Variants in ME2 observed in about 807,000 individuals in gnomAD.
ME2 encodes malic enzyme 2, also known as NAD-dependent malic enzyme, mitochondrial.
A neutral mutation model predicts 73.7 loss-of-function variants in ME2; 60 were observed. The observed-to-expected ratio is 0.81, with a 90% CI of 0.66 to 1.01. The LOEUF (loss-of-function observed/expected upper bound fraction) is 1.01. ME2 is among the 50% of genes least tolerant of loss of function. The pLI, the probability that ME2 is intolerant of heterozygous loss-of-function variation, is 0.00. For synonymous variants in ME2, 199 were observed against 236.9 expected (o/e 0.84, Z 1.47); for missense variants, 594 against 705.5 (o/e 0.84, Z 1.79).
At chr18:50,882,941 G>A (rs1356867307) in intron 1 of ME2, among the ~76,000 whole-genome samples, 1 of 151,896 alleles carries the variant, frequency 6.6e-6, no homozygotes, top group Non-Finnish European at 1.5e-5. Context: ...AGTGATTTTT[G>A]AGACTCTATC....
At chr18:50,910,791 T>G (rs750704207) in intron 3 of ME2, among the ~76,000 whole-genome samples, 1 of 152,134 alleles carries the variant, frequency 6.6e-6, no homozygotes, top group African/African-American at 2.4e-5. Context: ...CAGTGATAAA[T>G]CATGTGGGGA....
chr18:50,887,120 C>T (rs1256487869), intron 1 of ME2, among the ~76,000 whole-genome samples: 6 of 152,182 alleles, frequency 3.9e-5, no homozygotes, highest in Non-Finnish European at 8.8e-5. Flanking sequence ...CATTCCGGCC[C>T]TGACGTAGGT....
Position 50,953,837 on chromosome 18 carries a change from T to C in ME2, c.*6653T>C, listed in dbSNP as rs2144290740. 6.6e-6 allele frequency: 1 copy of C among 152,338 alleles called. No individual in the cohort carries two copies. Among genetic ancestry groups the C allele is most frequent in the South Asian group, 2.1e-4 (1 of 4,822 alleles). 9.4% of individuals were successfully genotyped at this position (152,338 alleles called of 1,614,324 possible). On this transcript the variant is annotated 3_prime_UTR_variant, in exon 16 of 16. Transcript: ENST00000321341. ...TTAAAAGACCTAGTTTAGCTAAATA[T>C]ATGACAATATAAAATGTCTGCCCAA...
chr18:50,904,661 A>G (rs1036643417), intron 2 of ME2, among the ~76,000 whole-genome samples: 6 of 151,886 alleles, frequency 4.0e-5, no homozygotes, highest in Non-Finnish European at 8.8e-5. Context: ...CAGGTGATCC[A>G]CCTGCTTCAG....
chr18:50,895,356 A>G (rs1030292045), intron 1 of ME2, among the ~76,000 whole-genome samples: 1 of 152,230 alleles, frequency 6.6e-6, no homozygotes, highest in Admixed American at 6.5e-5. Flanking sequence ...CATTAAACAT[A>G]GTCCATTAAA....
intron 3 of ME2, among the ~76,000 whole-genome samples, chr18:50,911,527 C>G (rs1381397499): frequency 6.6e-6 from 1 of 152,082 alleles, no homozygotes; most frequent in Admixed American, 6.6e-5. Flanking sequence ...AGTAGGCTAT[C>G]ATGGGACCTG....
Position 50,954,238 on chromosome 18 carries a change from A to G in ME2, c.*7054A>G, listed in dbSNP as rs1918277454. 1 of 152,176 alleles carries G rather than the reference A, an allele frequency of 6.6e-6. No homozygotes were observed. The highest frequency in any genetic ancestry group is 1.5e-5 in the Non-Finnish European group (1 of 68,024). 9.4% of individuals were successfully genotyped at this position (152,176 alleles called of 1,614,324 possible). ...TGTGTGTTCTTATATTTTCTTAGTA[A>G]AATTTTCTTAAGCATAAAATGCTTT... On this transcript the variant is annotated 3_prime_UTR_variant, in exon 16 of 16. Transcript: ENST00000321341.
chr18:50,880,138 A>G (rs186353911), intron 1 of ME2, among the ~76,000 whole-genome samples: 14 of 152,370 alleles, frequency 9.2e-5, no homozygotes, highest in East Asian at 1.9e-4. Flanking sequence ...AACGATAACA[A>G]TAGTAGCATG....
intron 3 of ME2, 59 bp from the exon 4 acceptor site, chr18:50,912,742 C>T: frequency 7.6e-7 from 1 of 1,314,360 alleles, no homozygotes; most frequent in Non-Finnish European, 1.0e-6. Context: ...CTTTCATAAG[C>T]CAAGACTTTT....
At chr18:50,944,253 A>T (rs1918031753) in intron 15 of ME2, among the ~76,000 whole-genome samples, 1 of 152,136 alleles carries the variant, frequency 6.6e-6, no homozygotes, top group Non-Finnish European at 1.5e-5. Context: ...GGTATATCCA[A>T]ATGAGAGGTA....
chr18:50,905,246 A>G (rs952347910), intron 2 of ME2, among the ~76,000 whole-genome samples: 4 of 152,124 alleles, frequency 2.6e-5, no homozygotes, highest in Admixed American at 6.5e-5. Flanking sequence ...AAGGCTCCCA[A>G]AGTGCTGGGA....
chr18:50,925,304 C>A (rs1486012832), intron 11 of ME2, among the ~76,000 whole-genome samples: 5 of 151,980 alleles, frequency 3.3e-5, no homozygotes, highest in Non-Finnish European at 7.4e-5. Context: ...CATGGCAAAA[C>A]CCCATCTCTA....
intron 11 of ME2, 66 bp from the exon 12 acceptor site, chr18:50,925,690 G>C (rs1397051600): frequency 1.5e-6 from 2 of 1,325,750 alleles, no homozygotes; most frequent in Non-Finnish European, 2.1e-6. Context: ...TTGTAGAAAT[G>C]CTATTGATAA....
At chr18:50,940,149 G>A (rs1230899074) in intron 14 of ME2, 139 bp from the exon 15 acceptor site, 1 of 674,804 alleles carries the variant, frequency 1.5e-6, no homozygotes, top group Non-Finnish European at 2.6e-6. Context: ...TTCTGCAGTG[G>A]TTTAAGTGTA....
intron 10 of ME2, 26 bp from the exon 11 acceptor site, chr18:50,924,072 A>T: frequency 6.9e-7 from 1 of 1,454,130 alleles, no homozygotes; most frequent in Non-Finnish European, 9.6e-7. Context: ...GACTAAAAAA[A>T]TACTGTATTT....
At chr18:50,881,344 C>CG (rs1916317218) in intron 1 of ME2, among the ~76,000 whole-genome samples, 1 of 151,764 alleles carries the variant, frequency 6.6e-6, no homozygotes, top group African/African-American at 2.4e-5. Flanking sequence ...GTGAACTAGC[C>CG]GTATTTTAAA....
chr18:50,879,383 C>G (rs1386505409), intron 1 of ME2, 75 bp downstream of exon 1: 2 of 151,750 alleles, frequency 1.3e-5, no homozygotes, highest in South Asian at 4.1e-4. Flanking sequence ...GGCCCGGCCC[C>G]GAGAGCCCAG....
intron 10 of ME2, among the ~76,000 whole-genome samples, chr18:50,921,402 G>T (rs1477630571): frequency 6.6e-6 from 1 of 151,682 alleles, no homozygotes; most frequent in African/African-American, 2.4e-5. Flanking sequence ...GTTGGCATCA[G>T]ACTTACTCTT....
chr18:50,947,360 G>A lies in ME2; in HGVS notation c.*176G>A, dbSNP rs1918110443. 6 of 599,096 alleles carry A rather than the reference G, an allele frequency of 1.0e-5. No homozygotes were observed. The highest frequency in any genetic ancestry group is 1.8e-5 in the Non-Finnish European group (6 of 342,802). The allele number at this position is 599,096 out of a possible 1,614,324, so 37.1% of individuals were successfully genotyped here. The stretch of plus-strand genomic sequence containing the variant: ...GTTGGGGTAGACGTGTTGATTGATT[G>A]CATTGCCCACCAGCACCCTACAGTC... On this transcript the variant is annotated 3_prime_UTR_variant, in exon 16 of 16. Transcript: ENST00000321341.
Sources: gnomAD v4.1 joint callset for allele counts (sites outside exome capture counted in the v4.1 genomes callset) on GRCh38, gnomAD v4.1.1 for gene constraint, MANE v1.5 for transcripts, NCBI Gene and HGNC (gene_info 2026-07-23, HGNC 2026-07-21) for gene names.